The following COL27A1 variants were observed in gnomAD, a reference collection of about 807,000 sequenced individuals.
COL27A1 encodes collagen type XXVII alpha 1 chain, also known as collagen alpha-1(XXVII) chain.
A neutral mutation model predicts 251.3 loss-of-function variants in COL27A1; 106 were observed. The ratio of observed to expected loss-of-function variants is 0.42; its 90% CI spans 0.36 to 0.50. The LOEUF (loss-of-function observed/expected upper bound fraction) is 0.50. Ranked by LOEUF, COL27A1 falls within the 20% of genes least tolerant of loss-of-function variation. COL27A1 has a pLI of 0.00. For missense variants in COL27A1, 2,325 were observed against 2,522.8 expected (o/e 0.92, Z 1.68); for synonymous variants, 1,000 against 986.3 (o/e 1.01, Z -0.26).
chr9:114,201,585 G>A (rs1318532843), intron 7 of COL27A1, among the ~76,000 whole-genome samples: 1 of 152,176 alleles, frequency 6.6e-6, no homozygotes, highest in East Asian at 1.9e-4. Context: ...ATCCCAATGG[G>A]TCTGGAGTCC....
Position 114,258,601 on chromosome 9 carries a change from C to G in COL27A1, c.3195+7C>G. 2 of 1,613,684 alleles carry G rather than the reference C, an allele frequency of 1.2e-6. No individual in the cohort carries two copies. Among genetic ancestry groups the G allele is most frequent in the East Asian group, 2.2e-5 (1 of 44,874 alleles). On this transcript the variant is annotated splice_region_variant and intron_variant, in intron 28 of 60. Transcript: ENST00000356083. ...GGGAGCAAAGGGACGTCGGGTAAGT[C>G]GAGCCCAGCTCCTGGGGGCTGATGC...
chr9:114,296,868 G>A (rs1828293101), intron 49 of COL27A1, among the ~76,000 whole-genome samples: 1 of 152,180 alleles, frequency 6.6e-6, no homozygotes, highest in Non-Finnish European at 1.5e-5. Flanking sequence ...CAATTCATCA[G>A]TAAATGGATT....
intron 17 of COL27A1, among the ~76,000 whole-genome samples, chr9:114,236,083 G>A (rs905735525): frequency 6.6e-6 from 1 of 151,790 alleles, no homozygotes; most frequent in African/African-American, 2.4e-5. Context: ...ACCGCCTGCC[G>A]TGGGCCTCTG....
chr9:114,163,914 T>A (rs1272030763), intron 2 of COL27A1, among the ~76,000 whole-genome samples: 1 of 151,290 alleles, frequency 6.6e-6, no homozygotes, highest in Non-Finnish European at 1.5e-5. Flanking sequence ...AATGAAGGGA[T>A]CTTGTGGGGG....
At chr9:114,174,387 A>G (rs765316987) in intron 3 of COL27A1, among the ~76,000 whole-genome samples, 14 of 152,180 alleles carry the variant, frequency 9.2e-5, no homozygotes, top group Non-Finnish European at 1.8e-4. Context: ...CCAGAACCCA[A>G]TAAGAGTTAA....
chr9:114,282,041 T>G (rs1335555983), intron 37 of COL27A1, among the ~76,000 whole-genome samples: 1 of 152,152 alleles, frequency 6.6e-6, no homozygotes, highest in Non-Finnish European at 1.5e-5. Flanking sequence ...GTCAGCACGT[T>G]CTTACATCGC....
At chr9:114,208,192 T>C (rs1489433819) in intron 10 of COL27A1, among the ~76,000 whole-genome samples, 1 of 152,110 alleles carries the variant, frequency 6.6e-6, no homozygotes, top group East Asian at 1.9e-4. Context: ...AATCCCAGCA[T>C]TTTGGGAGGC....
intron 57 of COL27A1, among the ~76,000 whole-genome samples, chr9:114,304,995 G>C (rs548026706): frequency 6.6e-6 from 1 of 152,198 alleles, no homozygotes; most frequent in Non-Finnish European, 1.5e-5. Flanking sequence ...CCCAGAGCCC[G>C]CAGCAGCTTC....
At chr9:114,244,677 G>T (rs1416294779) in intron 23 of COL27A1, among the ~76,000 whole-genome samples, 1 of 152,226 alleles carries the variant, frequency 6.6e-6, no homozygotes, top group Non-Finnish European at 1.5e-5. Flanking sequence ...GGAGCCGAAG[G>T]GGGAGGAGGC....
Position 114,210,943 on chromosome 9 carries a change from G to T in COL27A1, c.2323-39G>T, listed in dbSNP as rs760524487. 2.5e-6 allele frequency: 4 copies of T among 1,611,656 alleles called. No homozygotes were observed. In the South Asian group the frequency reaches 4.4e-5, roughly 18 times the overall value. On this transcript the variant is annotated intron_variant, in intron 11 of 60. Coordinates refer to ENST00000356083, the MANE Select transcript of COL27A1 (RefSeq NM_032888.4). ...GGGGCAAGCCTGGCTGTCCCTGCTG[G>T]CATCCTGCCCTGACCTCTCCCCTGT... is the stretch of plus-strand genomic sequence containing the variant.
At chr9:114,255,957 AT>A (rs958643777) in intron 27 of COL27A1, among the ~76,000 whole-genome samples, 1 of 152,148 alleles carries the variant, frequency 6.6e-6, no homozygotes, top group Admixed American at 6.5e-5. Flanking sequence ...GGAGTATGAG[AT>A]TGTCATCGGA....
intron 31 of COL27A1, 143 bp downstream of exon 31, chr9:114,265,253 G>C: frequency 9.1e-7 from 1 of 1,099,742 alleles, no homozygotes; most frequent in Non-Finnish European, 1.4e-6. Flanking sequence ...CACCTGCCCT[G>C]CACTGAAGCT....
chr9:114,281,918 G>A (rs567807499), intron 37 of COL27A1, among the ~76,000 whole-genome samples: 1 of 152,314 alleles, frequency 6.6e-6, no homozygotes, highest in African/African-American at 2.4e-5. Flanking sequence ...GCTCAGTGCA[G>A]AGAGTTGCTC....
intron 49 of COL27A1, 104 bp downstream of exon 49, chr9:114,292,314 C>T: frequency 2.2e-6 from 2 of 922,482 alleles, no homozygotes; most frequent in Non-Finnish European, 1.6e-6. Flanking sequence ...CACACACAAA[C>T]ACACTGACCC....
At position 114,168,047 on chromosome 9, in the gene COL27A1, A is replaced by C; in HGVS notation, c.492A>C (p.Arg164=). 1 of 1,607,186 alleles carries C rather than the reference A, an allele frequency of 6.2e-7. No homozygotes were observed. The change falls in exon 3 of 61, where the codon CGA becomes CGC. Residue 164 remains arginine (R), a synonymous_variant. Coordinates refer to ENST00000356083, the MANE Select transcript of COL27A1 (RefSeq NM_032888.4). ...GGCACCACCTGGCCCTCGAGCTCCG[A>C]GGCCGCACAGTCACTCTGGTGACTG... is the stretch of plus-strand genomic sequence containing the variant. ...GRWHHLALEL[R]GRTVTLVTAC...
At chr9:114,269,507 C>T (rs539818167) in intron 35 of COL27A1, among the ~76,000 whole-genome samples, 13 of 143,106 alleles carry the variant, frequency 9.1e-5, no homozygotes, top group Admixed American at 5.9e-4. Context: ...CCCAGCTACT[C>T]GGGGGGCTGA....
At chr9:114,283,829 C>A in intron 40 of COL27A1, 67 bp downstream of exon 40, 5 of 1,493,658 alleles carry the variant, frequency 3.3e-6, no homozygotes, top group Non-Finnish European at 4.6e-6. Context: ...CAGGCCCATG[C>A]CAGCCTCTGC....
intron 3 of COL27A1, among the ~76,000 whole-genome samples, chr9:114,178,016 T>C (rs548882369): frequency 5.3e-5 from 8 of 152,314 alleles, no homozygotes; most frequent in Admixed American, 5.2e-4. Context: ...AAGAAGGGAC[T>C]TTGTCCAACT....
At chr9:114,286,824 G>T (rs1360077565) in intron 41 of COL27A1, among the ~76,000 whole-genome samples, 1 of 152,146 alleles carries the variant, frequency 6.6e-6, no homozygotes, top group African/African-American at 2.4e-5. Flanking sequence ...GGCCGAGATT[G>T]CCCCCTGATT....
Sources: allele counts gnomAD v4.1 joint callset (sites outside exome capture counted in the v4.1 genomes callset), GRCh38; gene constraint gnomAD v4.1.1; transcripts MANE v1.5; gene names NCBI Gene and HGNC (gene_info 2026-07-23, HGNC 2026-07-21).